Variants in PDE7A observed in about 807,000 individuals in gnomAD.
PDE7A encodes phosphodiesterase 7A, also known as high affinity 3',5'-cyclic-AMP phosphodiesterase 7A.
Under a neutral mutation model 64.3 loss-of-function variants are expected in PDE7A, and 39 were observed. That is an observed-to-expected ratio of 0.61 (90% confidence interval 0.47 to 0.79). The LOEUF is 0.79. Ranked by LOEUF, PDE7A falls within the 30% of genes least tolerant of loss-of-function variation. The probability of loss-of-function intolerance (pLI) is 0.00; values close to 1 mark genes in which losing one functional copy is unlikely to be tolerated. For synonymous variants in PDE7A, 203 were observed against 206.8 expected (o/e 0.98, Z 0.16); for missense variants, 470 against 582.8 (o/e 0.81, Z 1.99).
At chr8:65,839,236 G>C (rs1402302459) in intron 1 of PDE7A, among the ~76,000 whole-genome samples, 1 of 151,410 alleles carries the variant, frequency 6.6e-6, no homozygotes, top group Admixed American at 6.6e-5. Context: ...AAAAAAAAGG[G>C]TTTTTTTTCC....
intron 3 of PDE7A, among the ~76,000 whole-genome samples, chr8:65,778,296 T>C (rs947953598): frequency 6.6e-6 from 1 of 152,132 alleles, no homozygotes; most frequent in Admixed American, 6.5e-5. Context: ...ATGTAATTAG[T>C]CCAACTACCC....
chr8:65,822,290 TC>T (rs770645490), intron 1 of PDE7A, among the ~76,000 whole-genome samples: 8 of 152,242 alleles, frequency 5.3e-5, no homozygotes, highest in Admixed American at 1.3e-4. Context: ...GCTCCAGAAA[TC>T]CTCCGTCATT....
At chr8:65,820,716 A>C (rs1261276643) in intron 1 of PDE7A, among the ~76,000 whole-genome samples, 1 of 152,040 alleles carries the variant, frequency 6.6e-6, no homozygotes, top group East Asian at 1.9e-4. Flanking sequence ...CAGCCTCTCA[A>C]GTAGCTGGGA....
chr8:65,749,740 C>T (rs1422055464), intron 3 of PDE7A, among the ~76,000 whole-genome samples: 1 of 152,086 alleles, frequency 6.6e-6, no homozygotes, highest in Non-Finnish European at 1.5e-5. Context: ...GGTCACATAC[C>T]CAATATAGGG....
intron 3 of PDE7A, among the ~76,000 whole-genome samples, chr8:65,770,082 T>C (rs749965066): frequency 5.6e-4 from 86 of 152,266 alleles, no homozygotes; most frequent in Admixed American, 3.0e-3. Flanking sequence ...TTCTCAGATA[T>C]GCATTGTTAA....
intron 3 of PDE7A, among the ~76,000 whole-genome samples, chr8:65,763,099 A>G (rs1241900728): frequency 6.6e-6 from 1 of 151,896 alleles, no homozygotes; most frequent in African/African-American, 2.4e-5. Flanking sequence ...AGCCACTCGT[A>G]ATCTAAAAAT....
chr8:65,790,221 C>A (rs919095246), intron 1 of PDE7A, among the ~76,000 whole-genome samples: 1 of 152,218 alleles, frequency 6.6e-6, no homozygotes, highest in Non-Finnish European at 1.5e-5. Context: ...GACGCTGCAG[C>A]CCTGGGGAGC....
chr8:65,783,335 C>T (rs977348045), intron 1 of PDE7A, among the ~76,000 whole-genome samples: 7 of 152,198 alleles, frequency 4.6e-5, no homozygotes, highest in East Asian at 1.9e-4. Flanking sequence ...GCTCCCCAAA[C>T]GTTACTTTCG....
intron 7 of PDE7A, chr8:65,731,646 A>G (rs765594488): frequency 9.9e-5 from 15 of 151,336 alleles, no homozygotes; most frequent in Non-Finnish European, 1.8e-4. Flanking sequence ...AGGACATAAA[A>G]AATAAATACT....
chr8:65,748,391 A>T (rs1195102203), intron 3 of PDE7A, among the ~76,000 whole-genome samples: 1 of 152,158 alleles, frequency 6.6e-6, no homozygotes, highest in Admixed American at 6.6e-5. Flanking sequence ...TATTAAGGTG[A>T]TATGCTCTAG....
chr8:65,836,650 G>C (rs1423676781), intron 1 of PDE7A, among the ~76,000 whole-genome samples: 1 of 152,170 alleles, frequency 6.6e-6, no homozygotes, highest in Non-Finnish European at 1.5e-5. Flanking sequence ...AGAATGTGTT[G>C]CTCATAGATT....
At position 65,760,695 on chromosome 8, in the gene PDE7A, C is replaced by T. The variant is rs150852595; in HGVS notation, c.284-12892G>A. Among the ~76,000 whole-genome samples the T allele has an allele frequency of 3.6e-3, 542 of 152,284 alleles. 3 individuals are homozygous for T. The highest frequency in any genetic ancestry group is 0.011 in the African/African-American group (475 of 41,546). ...TTTCTTCATGTTTACTCCACACCCC[C>T]ACTCCCCTCATCACACAGACACTGT... is the stretch of plus-strand genomic sequence containing the variant. On this transcript the variant is annotated intron_variant, in intron 3 of 12. Coordinates refer to ENST00000401827, the MANE Select transcript of PDE7A (RefSeq NM_001242318.3).
At chr8:65,767,187 C>G (rs906050283) in intron 3 of PDE7A, among the ~76,000 whole-genome samples, 4 of 152,130 alleles carry the variant, frequency 2.6e-5, no homozygotes, top group Non-Finnish European at 5.9e-5. Context: ...CTTTGGGGGA[C>G]AGACACAGGG....
intron 5 of PDE7A, among the ~76,000 whole-genome samples, chr8:65,740,622 G>A (rs182583274): frequency 3.4e-4 from 51 of 152,142 alleles, no homozygotes; most frequent in East Asian, 2.3e-3. Flanking sequence ...GGCTGGTCTC[G>A]AACTCCTGAC....
chr8:65,753,936 C>T (rs1808092988), intron 3 of PDE7A, among the ~76,000 whole-genome samples: 1 of 151,814 alleles, frequency 6.6e-6, no homozygotes, highest in Admixed American at 6.6e-5. Context: ...ATAATATAGT[C>T]ACCCCAGATC....
intron 1 of PDE7A, among the ~76,000 whole-genome samples, chr8:65,819,912 A>G (rs1810501091): frequency 6.6e-6 from 1 of 152,154 alleles, no homozygotes; most frequent in African/African-American, 2.4e-5. Context: ...CACCTCCTCA[A>G]TGGCAAACTG....
intron 3 of PDE7A, among the ~76,000 whole-genome samples, chr8:65,778,587 A>G (rs974149): frequency 0.48 from 73,213 of 152,072 alleles, 20,531 homozygotes; most frequent in African/African-American, 0.78. Context: ...AATAGTGGTT[A>G]TTTTATGCCA....
At chr8:65,774,723 T>A (rs1403135075) in intron 3 of PDE7A, among the ~76,000 whole-genome samples, 2 of 151,840 alleles carry the variant, frequency 1.3e-5, no homozygotes, top group South Asian at 2.1e-4. Context: ...ATTTAAAAAA[T>A]TTATTACTAT....
chr8:65,823,937 G>A (rs1010224738), intron 1 of PDE7A, among the ~76,000 whole-genome samples: 2 of 152,042 alleles, frequency 1.3e-5, no homozygotes, highest in African/African-American at 4.8e-5. Flanking sequence ...ATGACAAAAT[G>A]TTCTTTCTCA....
Sources: allele counts gnomAD v4.1 joint callset (sites outside exome capture counted in the v4.1 genomes callset), GRCh38; gene constraint gnomAD v4.1.1; transcripts MANE v1.5; gene names NCBI Gene and HGNC (gene_info 2026-07-23, HGNC 2026-07-21).